Variants in ITGB1BP1 observed in about 807,000 individuals in gnomAD.
The protein encoded by ITGB1BP1 is integrin beta-1-binding protein 1.
Under a neutral mutation model 28.0 loss-of-function variants are expected in ITGB1BP1, and 20 were observed. That is an observed-to-expected ratio of 0.71 (90% CI 0.50 to 1.04). The LOEUF (loss-of-function observed/expected upper bound fraction) is 1.04. Ranked by LOEUF, ITGB1BP1 falls within the 50% of genes least tolerant of loss-of-function variation. ITGB1BP1 has a pLI of 0.00. For synonymous variants in ITGB1BP1, 103 were observed against 89.5 expected, an observed-to-expected ratio of 1.15 and a Z score of -0.85; for missense variants, 228 against 242.5, an observed-to-expected ratio of 0.94 and a Z score of 0.40.
At chr2:9,417,145 C>T (rs1266962411) in intron 2 of ITGB1BP1, among the ~76,000 whole-genome samples, 1 of 152,052 alleles carries the variant, frequency 6.6e-6, no homozygotes, top group African/African-American at 2.4e-5. Flanking sequence ...CTGTCACTCC[C>T]TGGCCCCAGG....
intron 2 of ITGB1BP1, 95 bp downstream of exon 2, chr2:9,418,531 G>T (rs1258608034): frequency 1.2e-5 from 10 of 855,204 alleles, no homozygotes; most frequent in African/African-American, 5.0e-5. Flanking sequence ...ATTATCAGGA[G>T]ATCTGCCCAC....
chr2:9,408,049 C>T lies in ITGB1BP1; in HGVS notation c.381+64G>A, dbSNP rs756113718. 2.9e-4 allele frequency: 252 copies of T among 869,126 alleles called. 1 individual carries two copies. Among genetic ancestry groups the T allele is most frequent in the Non-Finnish European group, 4.4e-4 (235 of 532,014 alleles). The allele number at this position is 869,126 out of a possible 1,614,324, so 53.8% of individuals were successfully genotyped here. ...AGGAGTGGCCCTAATTATAAGGGGG[C>T]TCTTAATGGCCTGAATTCCCTGTTA... On this transcript the variant is annotated intron_variant, in intron 5 of 6. Coordinates refer to ENST00000355346, the MANE Select transcript of ITGB1BP1 (RefSeq NM_004763.5).
chr2:9,420,051 A>T (rs1010752800), intron 1 of ITGB1BP1: 1 of 984,628 alleles, frequency 1.0e-6, no homozygotes, highest in African/African-American at 1.7e-5. Context: ...CTGCACAGAG[A>T]GTTTCCTTTC....
At position 9,407,433 on chromosome 2, in the gene ITGB1BP1, A is replaced by C; in HGVS notation, c.531+16T>G. 3 of 1,614,052 alleles carry C rather than the reference A, an allele frequency of 1.9e-6. No homozygotes were observed. Among genetic ancestry groups the C allele is most frequent in the Non-Finnish European group, 2.5e-6 (3 of 1,179,932 alleles). On this transcript the variant is annotated intron_variant, in intron 6 of 6. Coordinates refer to ENST00000355346, the MANE Select transcript of ITGB1BP1 (RefSeq NM_004763.5). ...ACTTGATGGGCAAGCAGCTAACCAA[A>C]GTAACGAAGTCTCACCAGGCTGTTG...
At chr2:9,407,260 C>T in intron 6 of ITGB1BP1, 189 bp downstream of exon 6, 1 of 641,372 alleles carries the variant, frequency 1.6e-6, no homozygotes, top group Non-Finnish European at 2.7e-6. Context: ...TGCCACTGGC[C>T]CTAACAAATA....
At chr2:9,416,406 G>A (rs566134339) in intron 2 of ITGB1BP1, among the ~76,000 whole-genome samples, 4 of 152,186 alleles carry the variant, frequency 2.6e-5, no homozygotes, top group South Asian at 2.1e-4. Context: ...ACCCTCCACC[G>A]TGTGGGCGGG....
At chr2:9,413,067 C>T (rs538146686) in intron 3 of ITGB1BP1, among the ~76,000 whole-genome samples, 10 of 152,308 alleles carry the variant, frequency 6.6e-5, no homozygotes, top group African/African-American at 1.7e-4. Flanking sequence ...CTCCTACAAA[C>T]GACTTATAAC....
intron 4 of ITGB1BP1, among the ~76,000 whole-genome samples, chr2:9,409,125 T>C (rs532458261): frequency 6.6e-6 from 1 of 152,262 alleles, no homozygotes; most frequent in African/African-American, 2.4e-5. Context: ...CCGCAGATAA[T>C]CCCTGACAGC....
rs1679045783 is a variant in ITGB1BP1 at position 9,415,708 on chromosome 2, T to TC, written c.73-1453dup. 2.6e-5 allele frequency among the ~76,000 whole-genome samples: 4 copies of TC among 152,296 alleles called. No homozygotes were observed. In the South Asian group the frequency reaches 8.3e-4, roughly 32 times the overall value. ...GAGCAGCTCCAGGAGTTCAAAAACT[T>TC]CCAAGAACATGGTTCGTTTCCCCAT... On this transcript the variant is annotated intron_variant, in intron 2 of 6. Transcript: ENST00000355346. The surrounding 1 kb of genome is among the most constrained non-coding windows in gnomAD (Gnocchi z 4.1).
chr2:9,407,071 C>G lies in ITGB1BP1; in HGVS notation c.532-166G>C, dbSNP rs1033990980. ...AACCCATACTATGAGCTTCCCTGCA[C>G]GTGGGCCCTTTCTGCCCTCCTTCAG... On this transcript the variant is annotated intron_variant, in intron 6 of 6. Transcript: ENST00000355346. 8.0e-6 allele frequency: 5 copies of G among 628,166 alleles called. No individual in the cohort carries two copies. In the Admixed American group the frequency reaches 8.2e-5, roughly 10 times the overall value. The allele number at this position is 628,166 out of a possible 1,614,324, so 38.9% of individuals were successfully genotyped here. A position where few individuals can be genotyped will look rare whatever the true frequency, so the allele number is the denominator to read the frequency against.
chr2:9,416,733 C>T (rs1015047927), intron 2 of ITGB1BP1, among the ~76,000 whole-genome samples: 2 of 152,228 alleles, frequency 1.3e-5, no homozygotes, highest in Non-Finnish European at 2.9e-5. Flanking sequence ...CTCTGAATCC[C>T]TCAAGCAGTA....
rs964395679 is a variant in ITGB1BP1, at chr2:9,415,229, A to G, written c.73-973T>C. On this transcript the variant is annotated intron_variant, in intron 2 of 6. Coordinates refer to ENST00000355346, the MANE Select transcript of ITGB1BP1 (RefSeq NM_004763.5). The surrounding 1 kb of genome is among the most constrained non-coding windows in gnomAD (Gnocchi z 4.1). Reference sequence around the variant, plus strand: ...CCCCGTCTCTACCAAAAATACAAAAATTAGCTGGGCATGGTGGCGGGCACT... The same window carrying G: ...CCCCGTCTCTACCAAAAATACAAAAGTTAGCTGGGCATGGTGGCGGGCACT... Among the ~76,000 whole-genome samples the G allele has an allele frequency of 6.6e-6, 1 of 152,112 alleles. No homozygotes were observed. The highest frequency in any genetic ancestry group is 2.4e-5 in the African/African-American group (1 of 41,416).
At position 9,423,478 on chromosome 2, in the gene ITGB1BP1, G is replaced by A; in HGVS notation, c.-141C>T. 1.7e-6 allele frequency: 2 copies of A among 1,190,188 alleles called. No homozygotes were observed. Among genetic ancestry groups the A allele is most frequent in the South Asian group, 3.8e-5 (2 of 52,942 alleles). 73.7% of individuals were successfully genotyped at this position (1,190,188 alleles called of 1,614,324 possible). ...TACTCCCGTTCCCGCTCCAGCGCCGGCTTTTCCAGCCCTCCTGCCCACGTC... is the reference window on the plus strand; with the variant it reads ...TACTCCCGTTCCCGCTCCAGCGCCGACTTTTCCAGCCCTCCTGCCCACGTC... On this transcript the variant is annotated 5_prime_UTR_variant, in exon 1 of 7. Transcript: ENST00000355346.
intron 4 of ITGB1BP1, among the ~76,000 whole-genome samples, chr2:9,409,979 G>A (rs1471679426): frequency 1.3e-5 from 2 of 151,550 alleles, no homozygotes; most frequent in Non-Finnish European, 2.9e-5. Flanking sequence ...CGAGTAGCTG[G>A]GATTACAGGC....
At chr2:9,414,323 AC>A in intron 2 of ITGB1BP1, 67 bp from the exon 3 acceptor site, 1 of 1,145,116 alleles carries the variant, frequency 8.7e-7, no homozygotes, top group Non-Finnish European at 1.3e-6. Flanking sequence ...AAGTCCTCTA[AC>A]CCATTCACAT....
At chr2:9,416,592 C>G (rs1009956869) in intron 2 of ITGB1BP1, among the ~76,000 whole-genome samples, 8 of 152,206 alleles carry the variant, frequency 5.3e-5, no homozygotes, top group African/African-American at 1.9e-4. Context: ...ACAGTCACAT[C>G]AGCCAATTCT....
intron 2 of ITGB1BP1, among the ~76,000 whole-genome samples, 159 bp downstream of exon 2, chr2:9,418,467 C>T (rs1679407022): frequency 6.6e-6 from 1 of 152,170 alleles, no homozygotes; most frequent in African/African-American, 2.4e-5. Flanking sequence ...TGAAGCCAAG[C>T]ATAGAATGCA....
At chr2:9,418,413 TA>T (rs1679403604) in intron 2 of ITGB1BP1, among the ~76,000 whole-genome samples, 1 of 152,222 alleles carries the variant, frequency 6.6e-6, no homozygotes, top group African/African-American at 2.4e-5. Context: ...CCATCTAGTT[TA>T]ATGGATTTAA....
At chr2:9,407,677 G>C (rs1401489978) in intron 5 of ITGB1BP1, 79 bp from the exon 6 acceptor site, 5 of 1,518,628 alleles carry the variant, frequency 3.3e-6, no homozygotes, top group Non-Finnish European at 4.5e-6. Flanking sequence ...CTCCCAGGCA[G>C]AGTGAGGCTT....
Sources: gnomAD v4.1 joint callset for allele counts (sites outside exome capture counted in the v4.1 genomes callset) on GRCh38, gnomAD v4.1.1 for gene constraint, Gnocchi (gnomAD v3.1) non-coding constraint, MANE v1.5 for transcripts, NCBI Gene and HGNC (gene_info 2026-07-23, HGNC 2026-07-21) for gene names.